Variants in DCX observed in about 807,000 individuals in gnomAD.
The protein encoded by DCX is neuronal migration protein doublecortin.
In DCX, 4 loss-of-function variants were observed where a neutral mutation model predicts 20.9. That is an observed-to-expected ratio of 0.19 (90% confidence interval 0.09 to 0.44). The LOEUF is 0.44. Ranked by LOEUF, DCX falls within the 20% of genes least tolerant of loss-of-function variation. DCX has a pLI of 0.99. For missense variants in DCX, 133 were observed against 296.9 expected (o/e 0.45, Z 4.06); for synonymous variants, 103 against 111.4 (o/e 0.92, Z 0.47).
chrX:111,386,253 T>C (rs759151819), intron 3 of DCX, among the ~76,000 whole-genome samples: 66 of 110,643 alleles, frequency 6.0e-4, no homozygotes, highest in Admixed American at 2.9e-4. Context: ...CCCTGTGGAG[T>C]AGCCAACCTC....
chrX:111,308,697 T>C (rs1320578753), intron 6 of DCX, among the ~76,000 whole-genome samples: 1 of 111,910 alleles, frequency 8.9e-6, no homozygotes, highest in South Asian at 3.7e-4. Flanking sequence ...GGAAAGTGCA[T>C]ATTTAAATAA....
rs1556369825 is a variant in DCX at position 111,316,091 on chromosome X, A to AATAAAT, written c.947-3356_947-3355insATTTAT. ...ACTTAGAGTATAATAAAAAATAAAAAAAAAAAAAAAAAAAAAAAATGTTAA... is the reference window on the plus strand; with the variant it reads ...ACTTAGAGTATAATAAAAAATAAAAAATAAATAAAAAAAAAAAAAAAAAAATGTTAA... On this transcript the variant is annotated intron_variant, in intron 5 of 6. Coordinates refer to ENST00000636035, the MANE Select transcript of DCX (RefSeq NM_001195553.2). 3.1e-4 allele frequency among the ~76,000 whole-genome samples: 30 copies of AATAAAT among 96,560 alleles called. 1 individual carries two copies. The highest frequency in any genetic ancestry group is 1.3e-3 in the African/African-American group (29 of 22,050). 83.9% of individuals were successfully genotyped at this position (96,560 alleles called of 115,157 possible).
chrX:111,334,458 C>A (rs1921539720), intron 3 of DCX, among the ~76,000 whole-genome samples: 1 of 111,995 alleles, frequency 8.9e-6, no homozygotes, highest in African/African-American at 3.2e-5. Flanking sequence ...GAATGACAAT[C>A]AGAGCTACCA....
At chrX:111,316,104 A>T (rs1222558618) in intron 5 of DCX, among the ~76,000 whole-genome samples, 4 of 103,393 alleles carry the variant, frequency 3.9e-5, no homozygotes, top group Admixed American at 1.0e-4. Context: ...AAAAAAAAAA[A>T]AAAAAATGTT....
intron 3 of DCX, among the ~76,000 whole-genome samples, chrX:111,348,844 G>A (rs1429357481): frequency 3.7e-5 from 4 of 106,977 alleles, no homozygotes; most frequent in African/African-American, 6.9e-5. Context: ...TTTGAATCAC[G>A]TAGGGGAAGG....
intron 1 of DCX, 87 bp from the exon 2 acceptor site, chrX:111,410,507 T>G: frequency 8.9e-7 from 1 of 1,127,224 alleles, no homozygotes; most frequent in Non-Finnish European, 1.2e-6. Flanking sequence ...TTTTAAATAT[T>G]AGCCAGATCC....
chrX:111,371,933 TACACACACACAC>T (rs56304092), intron 3 of DCX, among the ~76,000 whole-genome samples: 13 of 97,474 alleles, frequency 1.3e-4, no homozygotes, highest in East Asian at 3.3e-4. Context: ...GATATATGTG[TACACACACACAC>T]ACACACACAC....
At chrX:111,386,406 C>T (rs891355389) in intron 3 of DCX, among the ~76,000 whole-genome samples, 3 of 110,975 alleles carry the variant, frequency 2.7e-5, no homozygotes, top group African/African-American at 9.8e-5. Flanking sequence ...AAAATATCTA[C>T]AAGCAAAGTG....
intron 2 of DCX, among the ~76,000 whole-genome samples, chrX:111,406,125 G>A (rs748330347): frequency 1.8e-5 from 2 of 112,069 alleles, no homozygotes; most frequent in South Asian, 7.5e-4. Flanking sequence ...ACTTTAGTTA[G>A]GTGAATGGAA....
chrX:111,314,958 T>G (rs1220335138), intron 5 of DCX, among the ~76,000 whole-genome samples: 1 of 106,688 alleles, frequency 9.4e-6, no homozygotes, highest in Non-Finnish European at 1.9e-5. Context: ...AGAAGCTCTT[T>G]AGTTTAATTA....
At chrX:111,329,300 A>G (rs1161173859) in intron 5 of DCX, among the ~76,000 whole-genome samples, 1 of 111,907 alleles carries the variant, frequency 8.9e-6, no homozygotes, top group East Asian at 2.8e-4. Context: ...AACATTATCT[A>G]AATGCTTGAT....
chrX:111,337,700 C>T (rs1165346930), intron 3 of DCX, among the ~76,000 whole-genome samples: 4 of 112,021 alleles, frequency 3.6e-5, no homozygotes, highest in Admixed American at 1.9e-4. Context: ...AATGTTTTCT[C>T]GAGAAGTAAG....
At chrX:111,365,405 G>C (rs1311183470) in intron 3 of DCX, among the ~76,000 whole-genome samples, 1 of 110,281 alleles carries the variant, frequency 9.1e-6, no homozygotes, top group East Asian at 2.8e-4. Context: ...GAGATGCTCT[G>C]ATACAATCAT....
chrX:111,336,036 T>TA (rs767265520), intron 3 of DCX, among the ~76,000 whole-genome samples: 7 of 111,067 alleles, frequency 6.3e-5, no homozygotes, highest in African/African-American at 2.3e-4. Context: ...CTAATAGCTG[T>TA]AAAAAAAAAT....
intron 3 of DCX, among the ~76,000 whole-genome samples, chrX:111,389,062 G>T (rs1926739261): frequency 8.9e-6 from 1 of 111,821 alleles, no homozygotes; most frequent in Non-Finnish European, 1.9e-5. Flanking sequence ...CCCAGTCATA[G>T]CTCCATCTGC....
Position 111,294,013 on chromosome X carries a change from C to T in DCX, c.*7674G>A, listed in dbSNP as rs1474137849. 2 of 111,401 alleles carry T rather than the reference C, an allele frequency of 1.8e-5. No individual in the cohort carries two copies. The highest frequency in any genetic ancestry group is 3.8e-5 in the Non-Finnish European group (2 of 53,119). 9.2% of individuals were successfully genotyped at this position (111,401 alleles called of 1,213,427 possible). A position where few individuals can be genotyped will look rare whatever the true frequency, so the allele number is the denominator to read the frequency against. ...AAGTCCTCTGACCCAAGAAAGCCCT[C>T]ATTGAATTGCGGAGGGGGTGGGGGA... On this transcript the variant is annotated 3_prime_UTR_variant, in exon 7 of 7. Transcript: ENST00000636035.
rs746691520 is a variant in DCX, at chrX:111,307,170, TA to T, written c.1045-5428del. Among the ~76,000 whole-genome samples, 339 of 110,628 alleles carry T rather than the reference TA, an allele frequency of 3.1e-3. 1 individual carries two copies. The highest frequency in any genetic ancestry group is 5.2e-3 in the Non-Finnish European group (276 of 52,820). On this transcript the variant is annotated intron_variant, in intron 6 of 6. Coordinates refer to ENST00000636035, the MANE Select transcript of DCX (RefSeq NM_001195553.2). ...TGTGAATTATATCTCAATAAGCTGT[TA>T]TTTTTTTAAGTACCTTTGAAAATCC...
At chrX:111,305,248 A>G (rs998095275) in intron 6 of DCX, among the ~76,000 whole-genome samples, 6 of 112,179 alleles carry the variant, frequency 5.3e-5, no homozygotes, top group African/African-American at 1.9e-4. Context: ...ATTAAAAAAA[A>G]TAGTAAATGC....
chrX:111,327,586 A>G, intron 5 of DCX, among the ~76,000 whole-genome samples: 1 of 112,346 alleles, frequency 8.9e-6, no homozygotes. Context: ...TAGAGATTCA[A>G]ATTCTGAATT....
Sources: allele counts gnomAD v4.1 joint callset (sites outside exome capture counted in the v4.1 genomes callset), GRCh38; gene constraint gnomAD v4.1.1; transcripts MANE v1.5; gene names NCBI Gene and HGNC (gene_info 2026-07-23, HGNC 2026-07-21).